KAZN: variants seen among roughly 807,000 people sequenced by gnomAD.
KAZN encodes the protein kazrin, periplakin interacting protein.
KAZN carries 40 observed loss-of-function variants against 87.4 expected under a neutral mutation model. The observed-to-expected ratio is 0.46, with a 90% CI of 0.36 to 0.60. The LOEUF is 0.60. Among genes scored for constraint, KAZN ranks in the 20% least tolerant of loss-of-function variants. KAZN has a pLI of 0.00. For missense variants in KAZN, 898 were observed against 1,073.9 expected (o/e 0.84, Z 2.29); for synonymous variants, 466 against 458.3 (o/e 1.02, Z -0.22).
At position 15,056,186 on chromosome 1, in the gene KAZN, G is replaced by A; in HGVS notation, c.822G>A (p.Trp274Ter). The change falls in exon 5 of 15, where the codon TGG becomes TGA. Residue 274 changes from tryptophan (W) to a stop codon, truncating the protein, a stop_gained. Coordinates refer to ENST00000376030, the MANE Select transcript of KAZN (RefSeq NM_201628.3). LOFTEE classifies it high-confidence loss of function. The surrounding 1 kb of genome is among the most constrained non-coding windows in gnomAD (Gnocchi z 5.4). Reference sequence around the variant, plus strand: ...CGGTGCTCAATGGCAACCAGGAGTGGGTGGTGCAGGCGGACCTCCCGCTGA... The same window carrying A: ...CGGTGCTCAATGGCAACCAGGAGTGAGTGGTGCAGGCGGACCTCCCGCTGA... ...GETVLNGNQE[W>*]VVQADLPLTA... 6.2e-7 allele frequency: 1 copy of A among 1,614,166 alleles called. No individual in the cohort carries two copies. Among genetic ancestry groups the A allele is most frequent in the Non-Finnish European group, 8.5e-7 (1 of 1,180,032 alleles).
At chr1:14,073,725 T>A (rs1275316541) in intron 1 of KAZN, among the ~76,000 whole-genome samples, 1 of 152,154 alleles carries the variant, frequency 6.6e-6, no homozygotes, top group Non-Finnish European at 1.5e-5. Flanking sequence ...GCAAAGGACA[T>A]GAACTCATCT....
chr1:14,841,213 C>G (rs916104215), intron 1 of KAZN, among the ~76,000 whole-genome samples: 6 of 151,612 alleles, frequency 4.0e-5, no homozygotes, highest in Non-Finnish European at 7.4e-5. Context: ...GTCAGGAGAT[C>G]GAGAACACGT....
intron 1 of KAZN, among the ~76,000 whole-genome samples, chr1:14,874,537 G>T (rs915502303): frequency 6.6e-6 from 1 of 151,706 alleles, no homozygotes; most frequent in African/African-American, 2.4e-5. Flanking sequence ...TGGATGGAAG[G>T]CTAACTTAAC....
chr1:13,990,808 T>A (rs1639244923), intron 1 of KAZN, among the ~76,000 whole-genome samples: 1 of 152,202 alleles, frequency 6.6e-6, no homozygotes. Flanking sequence ...CGAATATACC[T>A]GCGATAAAGC....
At chr1:14,422,684 G>T (rs1390810467) in intron 2 of KAZN, among the ~76,000 whole-genome samples, 7 of 152,208 alleles carry the variant, frequency 4.6e-5, no homozygotes, top group Admixed American at 3.9e-4. Context: ...CTTGCATCCA[G>T]AAGATATTAA....
intron 2 of KAZN, among the ~76,000 whole-genome samples, chr1:14,384,795 T>C (rs1661718462): frequency 6.6e-6 from 1 of 151,856 alleles, no homozygotes; most frequent in Non-Finnish European, 1.5e-5. Context: ...GTTGTGTCTC[T>C]GCCCGGCTTT....
intron 1 of KAZN, among the ~76,000 whole-genome samples, chr1:14,804,789 C>T (rs202173492): frequency 4.2e-4 from 63 of 151,572 alleles, no homozygotes; most frequent in Middle Eastern, 6.8e-3. Flanking sequence ...CAGATCAAGA[C>T]GAGCTGTGGT....
At chr1:14,512,178 G>A (rs931974424) in intron 2 of KAZN, among the ~76,000 whole-genome samples, 1 of 152,034 alleles carries the variant, frequency 6.6e-6, no homozygotes, top group African/African-American at 2.4e-5. Flanking sequence ...GTGTGTTCGC[G>A]GGTCAGGAGA....
intron 1 of KAZN, among the ~76,000 whole-genome samples, chr1:14,108,693 A>G (rs79956001): frequency 5.1e-4 from 78 of 152,286 alleles, no homozygotes; most frequent in Non-Finnish European, 9.0e-4. Context: ...GTGACCCTTT[A>G]TCTTTAGAAC....
chr1:15,096,109 A>G lies in KAZN; in HGVS notation c.1547+1176A>G, dbSNP rs761871233. Among the ~76,000 whole-genome samples the G allele has an allele frequency of 2.0e-5, 3 of 152,146 alleles. No homozygotes were observed. The highest frequency in any genetic ancestry group is 4.4e-5 in the Non-Finnish European group (3 of 68,000). ...ACCTCCTAACCAGTTCCATCCAGGA[A>G]TCCCCTAAAGCCATCCCTGAATCCC... On this transcript the variant is annotated intron_variant, in intron 10 of 14. Coordinates refer to ENST00000376030, the MANE Select transcript of KAZN (RefSeq NM_201628.3). This position sits in a 1 kb window ranked among gnomAD's most constrained non-coding sequence, Gnocchi z 4.5.
intron 1 of KAZN, among the ~76,000 whole-genome samples, chr1:14,794,937 C>A (rs1268928676): frequency 2.0e-5 from 3 of 152,184 alleles, no homozygotes; most frequent in Non-Finnish European, 4.4e-5. Context: ...AGTCTTCCAG[C>A]CTCCATCTTT....
intron 10 of KAZN, among the ~76,000 whole-genome samples, chr1:15,100,817 G>A (rs973868403): frequency 1.3e-5 from 2 of 152,238 alleles, no homozygotes; most frequent in African/African-American, 4.8e-5. Flanking sequence ...CGGCAGCTTT[G>A]CCTTCTTCGC....
At chr1:14,386,950 C>A (rs974317449) in intron 2 of KAZN, among the ~76,000 whole-genome samples, 1 of 152,198 alleles carries the variant, frequency 6.6e-6, no homozygotes, top group Non-Finnish European at 1.5e-5. Context: ...TTCAGGTACA[C>A]CAGTCAGACA....
At chr1:14,564,981 T>C (rs1674470286) in intron 2 of KAZN, among the ~76,000 whole-genome samples, 1 of 151,632 alleles carries the variant, frequency 6.6e-6, no homozygotes, top group African/African-American at 2.4e-5. Context: ...GGAAGAGAAT[T>C]TGGATACTGG....
At chr1:14,104,396 A>C (rs1179896607) in intron 1 of KAZN, among the ~76,000 whole-genome samples, 1 of 152,210 alleles carries the variant, frequency 6.6e-6, no homozygotes, top group Non-Finnish European at 1.5e-5. Context: ...TTTGTCACAC[A>C]AGTGGATGTG....
At chr1:14,313,357 T>C (rs1256873232) in intron 2 of KAZN, among the ~76,000 whole-genome samples, 1 of 152,206 alleles carries the variant, frequency 6.6e-6, no homozygotes, top group Non-Finnish European at 1.5e-5. Flanking sequence ...GCCTTCTTTA[T>C]CACTCCTTAA....
chr1:13,903,936 A>C (rs1249502173), intron 1 of KAZN, among the ~76,000 whole-genome samples: 1 of 152,194 alleles, frequency 6.6e-6, no homozygotes, highest in Non-Finnish European at 1.5e-5. Context: ...CTGCAGCCCC[A>C]GTCAGGAGCA....
chr1:14,803,767 C>T (rs1354269590), intron 1 of KAZN, among the ~76,000 whole-genome samples: 1 of 152,230 alleles, frequency 6.6e-6, no homozygotes, highest in East Asian at 1.9e-4. Context: ...CCCTTCTCCA[C>T]GGAGGGCTGG....
intron 2 of KAZN, among the ~76,000 whole-genome samples, chr1:14,419,878 C>T (rs923748556): frequency 4.6e-5 from 7 of 152,096 alleles, no homozygotes; most frequent in African/African-American, 1.7e-4. Flanking sequence ...CTCGCACAGA[C>T]AGTGAGACCC....
Sources: allele counts gnomAD v4.1 joint callset (sites outside exome capture counted in the v4.1 genomes callset), GRCh38; gene constraint gnomAD v4.1.1; non-coding constraint Gnocchi (gnomAD v3.1); transcripts MANE v1.5; gene names NCBI Gene and HGNC (gene_info 2026-07-23, HGNC 2026-07-21).